Variants in EXD3 observed in about 807,000 individuals in gnomAD.
EXD3 encodes the protein exonuclease mut-7 homolog.
Under a neutral mutation model 98.0 loss-of-function variants are expected in EXD3, and 92 were observed. The observed-to-expected ratio is 0.94, with a 90% CI of 0.79 to 1.12. EXD3 has a LOEUF of 1.12. Ranked by LOEUF, EXD3 falls within the 50% of genes most tolerant of loss-of-function variation. The pLI, the probability that EXD3 is intolerant of heterozygous loss-of-function variation, is 0.00. For synonymous variants in EXD3, 569 were observed against 526.0 expected (o/e 1.08, Z -1.12); for missense variants, 1,222 against 1,191.6 (o/e 1.03, Z -0.38).
intron 19 of EXD3, among the ~76,000 whole-genome samples, chr9:137,315,390 G>T (rs945308597): frequency 6.6e-6 from 1 of 152,208 alleles, no homozygotes; most frequent in South Asian, 2.1e-4. Flanking sequence ...CACCGCCACC[G>T]CCGGAGAGAC....
intron 1 of EXD3, among the ~76,000 whole-genome samples, chr9:137,399,873 C>A (rs1837397297): frequency 6.6e-6 from 1 of 151,966 alleles, no homozygotes; most frequent in Non-Finnish European, 1.5e-5. Flanking sequence ...CCTGTCTTTA[C>A]TAAAAATACA....
chr9:137,353,388 C>T (rs1834418574), intron 10 of EXD3: 1 of 985,194 alleles, frequency 1.0e-6, no homozygotes, highest in African/African-American at 1.7e-5. Flanking sequence ...CCCAGCCTGC[C>T]CCATCTCCAC....
rs535788073 is a variant in EXD3 at position 137,352,797 on chromosome 9, G to A, written c.871-11C>T. 5.4e-5 allele frequency: 85 copies of A among 1,578,412 alleles called. No homozygotes were observed. The East Asian group carries it at 1.8e-3, about 34-fold the overall frequency. ...CTGCCCCACCAGGCCCTGTGAGGAG[G>A]GTGGCCGTGAGGATGGAGATGGGGA... On this transcript the variant is annotated splice_polypyrimidine_tract_variant and intron_variant, in intron 10 of 21. Coordinates refer to ENST00000340951, the MANE Select transcript of EXD3 (RefSeq NM_017820.5).
rs374440689 is a variant in EXD3 at position 137,366,484 on chromosome 9, G to A, written c.656+9C>T. 2.6e-5 allele frequency: 40 copies of A among 1,545,756 alleles called. No individual in the cohort carries two copies. The highest frequency in any genetic ancestry group is 1.4e-4 in the African/African-American group (10 of 72,890). On this transcript the variant is annotated intron_variant, in intron 7 of 21. Transcript: ENST00000340951. ...CTGGTGCCAGCTGCCAGCGCCCCAC[G>A]GGACTCACCTGGCAACGTCCTTGAT...
rs913550652 is a variant in EXD3 at position 137,349,648 on chromosome 9, C to T, written c.1495-117G>A. On this transcript the variant is annotated intron_variant, in intron 14 of 21. Transcript: ENST00000340951. The surrounding 1 kb of genome is among the most constrained non-coding windows in gnomAD (Gnocchi z 7.4). ...GAGGAGGCCCCGCCCCCTCCACCAG[C>T]GGCCCCCACAGCAGAGACGGGGAGA... 1.4e-5 allele frequency: 15 copies of T among 1,096,240 alleles called. No homozygotes were observed. The highest frequency in any genetic ancestry group is 3.2e-4 in the Middle Eastern group (1 of 3,140). 67.9% of individuals were successfully genotyped at this position (1,096,240 alleles called of 1,614,324 possible).
chr9:137,352,599 G>A, intron 11 of EXD3, 21 bp downstream of exon 11: 1 of 1,522,780 alleles, frequency 6.6e-7, no homozygotes, highest in Non-Finnish European at 8.8e-7. Context: ...CCCTGGCTGG[G>A]GTCACCCTGG....
At chr9:137,420,224 T>G (rs1174838213) in intron 1 of EXD3, among the ~76,000 whole-genome samples, 1 of 152,160 alleles carries the variant, frequency 6.6e-6, no homozygotes, top group Non-Finnish European at 1.5e-5. Flanking sequence ...CTGAAATGCT[T>G]TTTATGATTT....
chr9:137,375,842 A>G (rs1835871937), intron 3 of EXD3, among the ~76,000 whole-genome samples: 1 of 152,194 alleles, frequency 6.6e-6, no homozygotes, highest in South Asian at 2.1e-4. Flanking sequence ...TGAGCTCACA[A>G]TGAAAACTTA....
At chr9:137,392,860 G>A (rs1279669655) in intron 2 of EXD3, 17 of 472,362 alleles carry the variant, frequency 3.6e-5, no homozygotes, top group Admixed American at 1.7e-4. Flanking sequence ...AGGGGGCACC[G>A]AGGCTGTTCC....
At position 137,372,940 on chromosome 9, in the gene EXD3, C is replaced by T. The variant is rs749129560; in HGVS notation, c.427G>A (p.Val143Ile). Residue 143 changes from valine to isoleucine, a missense_variant, in exon 5 of 22, where the codon GTC becomes ATC. Val to Ile is a conservative substitution (Grantham distance 29). Coordinates refer to ENST00000340951, the MANE Select transcript of EXD3 (RefSeq NM_017820.5). Reference protein sequence around the residue: ...DADRSCLLAHVHRLHHEGRFR... With the variant: ...DADRSCLLAHIHRLHHEGRFR... ...CTGCCCTCGTGGTGGAGGCGGTGGA[C>T]GTGTGCCAGCAGGCAGCTCCTGTCT... The T allele has an allele frequency of 1.0e-5, 16 of 1,601,046 alleles. No homozygotes were observed. In the East Asian group the frequency reaches 1.1e-4, roughly 11 times the overall value.
At position 137,366,016 on chromosome 9, in the gene EXD3, G is replaced by C. The variant is rs902444545; in HGVS notation, c.656+477C>G. 5 of 613,826 alleles carry C rather than the reference G, an allele frequency of 8.1e-6. No homozygotes were observed. The Admixed American group carries it at 1.1e-4, about 13-fold the overall frequency. The allele number at this position is 613,826 out of a possible 1,614,324, so 38.0% of individuals were successfully genotyped here. A position where few individuals can be genotyped will look rare whatever the true frequency, so the allele number is the denominator to read the frequency against. The stretch of plus-strand genomic sequence containing the variant: ...CACCTGCAGGCACACATGCACATGG[G>C]CACACACATACATGCACACACATGC... On this transcript the variant is annotated intron_variant, in intron 7 of 21. Transcript: ENST00000340951.
chr9:137,395,499 C>T lies in EXD3; in HGVS notation c.-47-95G>A, dbSNP rs1336091526. 11 of 1,253,176 alleles carry T rather than the reference C, an allele frequency of 8.8e-6. No individual in the cohort carries two copies. The African/African-American group carries it at 1.5e-4, about 17-fold the overall frequency. 77.6% of individuals were successfully genotyped at this position (1,253,176 alleles called of 1,614,324 possible). On this transcript the variant is annotated intron_variant, in intron 1 of 21. Coordinates refer to ENST00000340951, the MANE Select transcript of EXD3 (RefSeq NM_017820.5). This position sits in a 1 kb window ranked among gnomAD's most constrained non-coding sequence, Gnocchi z 6.5. ...CAGCCCCTGGAGGTGGTGGAGGGAG[C>T]TGGTGCCTGGGGGGGCCCAAGTGGG...
chr9:137,317,283 G>A (rs1328074171), intron 19 of EXD3, among the ~76,000 whole-genome samples: 1 of 152,130 alleles, frequency 6.6e-6, no homozygotes, highest in African/African-American at 2.4e-5. Flanking sequence ...GTCACCCTGA[G>A]GAGCTCCCCA....
intron 1 of EXD3, among the ~76,000 whole-genome samples, chr9:137,411,833 G>C (rs1838018469): frequency 6.6e-6 from 1 of 152,174 alleles, no homozygotes; most frequent in Admixed American, 6.5e-5. Flanking sequence ...AGTCACCCAA[G>C]ACGGACTGGA....
chr9:137,352,637 C>G lies in EXD3; in HGVS notation c.1020G>C (p.Arg340=). 1 of 1,546,574 alleles carries G rather than the reference C, an allele frequency of 6.5e-7. No individual in the cohort carries two copies. Among genetic ancestry groups the G allele is most frequent in the Non-Finnish European group, 8.7e-7 (1 of 1,145,766 alleles). The part of the protein sequence containing the change: ...LPAAVAVELR[R]FRLQGRATEA... ...GCGCTCACCTCCCCTGGAGCCTGAA[C>G]CGGCGGAGTTCCACAGCCACCGCAG... Residue 340 remains arginine, a synonymous_variant, in exon 11 of 22, where the codon CGG becomes CGC. Transcript: ENST00000340951.
rs1159034303 is a variant in EXD3 at position 137,393,595 on chromosome 9, C to T, written c.55+1708G>A. On this transcript the variant is annotated intron_variant, in intron 2 of 21. Transcript: ENST00000340951. This position sits in a 1 kb window ranked among gnomAD's most constrained non-coding sequence, Gnocchi z 4.6. ...CCGGAGGTGCCCCCACAGCCCTCAG[C>T]ACCCACTGGGACACAGAAGAGGAAG... 6.6e-6 allele frequency among the ~76,000 whole-genome samples: 1 copy of T among 152,218 alleles called. No homozygotes were observed. The highest frequency in any genetic ancestry group is 1.5e-5 in the Non-Finnish European group (1 of 68,020).
At chr9:137,383,925 G>C (rs1423719139) in intron 2 of EXD3, among the ~76,000 whole-genome samples, 1 of 152,212 alleles carries the variant, frequency 6.6e-6, no homozygotes, top group African/African-American at 2.4e-5. Context: ...AGGGCCACCA[G>C]AGCGAGACCC....
At chr9:137,396,281 T>C (rs1837213565) in intron 1 of EXD3, among the ~76,000 whole-genome samples, 1 of 152,230 alleles carries the variant, frequency 6.6e-6, no homozygotes, top group African/African-American at 2.4e-5. Flanking sequence ...GGGAGTGTTT[T>C]TGATGCAAAA....
chr9:137,374,077 C>A (rs1279699178), intron 3 of EXD3, among the ~76,000 whole-genome samples: 1 of 152,268 alleles, frequency 6.6e-6, no homozygotes, highest in Non-Finnish European at 1.5e-5. Context: ...AGAAGCAAAG[C>A]ATCTGTTTTG....
Sources: allele counts gnomAD v4.1 joint callset (sites outside exome capture counted in the v4.1 genomes callset), GRCh38; gene constraint gnomAD v4.1.1; non-coding constraint Gnocchi (gnomAD v3.1); transcripts MANE v1.5; gene names NCBI Gene and HGNC (gene_info 2026-07-23, HGNC 2026-07-21).